The following GPR137B variants were observed in gnomAD, a reference collection of about 807,000 sequenced individuals.
GPR137B encodes integral membrane protein GPR137B.
In GPR137B, 42 loss-of-function variants were observed where a neutral mutation model predicts 42.5. The observed-to-expected ratio is 0.99, with a 90% confidence interval of 0.77 to 1.28. The LOEUF (loss-of-function observed/expected upper bound fraction) is 1.28. Ranked by LOEUF, GPR137B falls within the 50% of genes most tolerant of loss-of-function variation. GPR137B has a pLI of 0.00. For missense variants in GPR137B, 487 were observed against 493.9 expected (o/e 0.99, Z 0.13); for synonymous variants, 218 against 209.7 (o/e 1.04, Z -0.34).
At position 236,168,739 on chromosome 1, in the gene GPR137B, G is replaced by C; in HGVS notation, c.448G>C (p.Glu150Gln). Reference protein sequence around the residue: ...IFKAKSKYSPELLKYRLPLYL... With the variant: ...IFKAKSKYSPQLLKYRLPLYL... ...CAAAGCCAAGTCAAAATATTCTCCAGAATTACTCAAATACCGGTAAGTACT... is the reference window on the plus strand; with the variant it reads ...CAAAGCCAAGTCAAAATATTCTCCACAATTACTCAAATACCGGTAAGTACT... Residue 150 changes from glutamate to glutamine, a missense_variant, in exon 2 of 7, where the codon GAA (glutamate) becomes CAA (glutamine). Glu to Gln is a conservative substitution (Grantham distance 29). Transcript: ENST00000366592. The C allele has an allele frequency of 6.8e-6, 11 of 1,611,316 alleles. No individual in the cohort carries two copies. The highest frequency in any genetic ancestry group is 9.3e-6 in the Non-Finnish European group (11 of 1,177,426).
In GPR137B at chr1:236,208,676, G is replaced by A. The variant is rs1407284494; in HGVS notation, c.*518G>A. Reference sequence around the variant, plus strand: ...AATACAGTTGACAACTTAGCCAATTGCAACTCCAGTGTTGATAATTAAAAT... The same window carrying A: ...AATACAGTTGACAACTTAGCCAATTACAACTCCAGTGTTGATAATTAAAAT... On this transcript the variant is annotated 3_prime_UTR_variant, in exon 7 of 7. Coordinates refer to ENST00000366592, the MANE Select transcript of GPR137B (RefSeq NM_003272.4). 4 of 985,294 alleles carry A rather than the reference G, an allele frequency of 4.1e-6. No homozygotes were observed. Among genetic ancestry groups the A allele is most frequent in the African/African-American group, 1.7e-5 (1 of 57,176 alleles). 61.0% of individuals were successfully genotyped at this position (985,294 alleles called of 1,614,324 possible).
chr1:236,208,286 A>C lies in GPR137B; in HGVS notation c.*128A>C. On this transcript the variant is annotated 3_prime_UTR_variant, in exon 7 of 7. Coordinates refer to ENST00000366592, the MANE Select transcript of GPR137B (RefSeq NM_003272.4). ...GATTTTTATTTGTTACAGGTTTCCA[A>C]TGGCCCCATAGGAATAAGCAATAAT... 6.8e-7 allele frequency: 1 copy of C among 1,462,004 alleles called. No individual in the cohort carries two copies. Among genetic ancestry groups the C allele is most frequent in the Non-Finnish European group, 9.0e-7 (1 of 1,111,698 alleles). 90.6% of individuals were successfully genotyped at this position (1,462,004 alleles called of 1,614,324 possible).
chr1:236,206,765 C>T (rs959434699), intron 6 of GPR137B, among the ~76,000 whole-genome samples: 2 of 152,170 alleles, frequency 1.3e-5, no homozygotes, highest in African/African-American at 2.4e-5. Context: ...CTGCTGTGCT[C>T]AGCCATACTC....
intron 2 of GPR137B, among the ~76,000 whole-genome samples, chr1:236,169,629 A>C (rs1470079294): frequency 6.6e-6 from 1 of 152,068 alleles, no homozygotes; most frequent in African/African-American, 2.4e-5. Context: ...TCTGGAAGGG[A>C]ACCTCTTAAG....
intron 1 of GPR137B, among the ~76,000 whole-genome samples, chr1:236,147,569 C>T (rs1245770273): frequency 6.6e-6 from 1 of 152,236 alleles, no homozygotes; most frequent in Non-Finnish European, 1.5e-5. Flanking sequence ...CTGCACCTGG[C>T]TGCTTTTCAC....
chr1:236,198,812 T>C (rs1021634767), intron 5 of GPR137B, among the ~76,000 whole-genome samples: 2 of 152,152 alleles, frequency 1.3e-5, no homozygotes, highest in East Asian at 1.9e-4. Flanking sequence ...GATAAGTCTT[T>C]AGGGTTTTCT....
chr1:236,166,487 T>C (rs539225834), intron 1 of GPR137B, among the ~76,000 whole-genome samples: 1 of 138,690 alleles, frequency 7.2e-6, no homozygotes, highest in Non-Finnish European at 1.5e-5. Context: ...TATATATTTA[T>C]ATATACATAT....
At chr1:236,157,437 A>G (rs184302608) in intron 1 of GPR137B, among the ~76,000 whole-genome samples, 9 of 152,152 alleles carry the variant, frequency 5.9e-5, no homozygotes, top group Admixed American at 5.9e-4. Flanking sequence ...GTTAGCCAGG[A>G]TGGTCTTGAT....
At chr1:236,158,192 G>A (rs1662088005) in intron 1 of GPR137B, among the ~76,000 whole-genome samples, 8 of 152,194 alleles carry the variant, frequency 5.3e-5, no homozygotes, top group Admixed American at 5.2e-4. Context: ...GAGAGGCTGA[G>A]GTGGGTGGAT....
chr1:236,176,474 G>T (rs186499970), intron 2 of GPR137B, among the ~76,000 whole-genome samples: 1 of 152,080 alleles, frequency 6.6e-6, no homozygotes, highest in East Asian at 1.9e-4. Flanking sequence ...GCACCTTCCT[G>T]CCCCCTGAGC....
chr1:236,163,094 A>G (rs569292807), intron 1 of GPR137B, among the ~76,000 whole-genome samples: 1 of 152,356 alleles, frequency 6.6e-6, no homozygotes, highest in East Asian at 1.9e-4. Context: ...AGACCATGGG[A>G]ACCCACCTCT....
chr1:236,198,426 G>C (rs1246232032), intron 5 of GPR137B, among the ~76,000 whole-genome samples: 2 of 151,880 alleles, frequency 1.3e-5, no homozygotes, highest in Non-Finnish European at 2.9e-5. Context: ...GGCTGGTCTC[G>C]AACTACTGAC....
intron 1 of GPR137B, among the ~76,000 whole-genome samples, chr1:236,152,721 T>G (rs1011709648): frequency 6.6e-6 from 1 of 151,864 alleles, no homozygotes; most frequent in Admixed American, 6.6e-5. Context: ...ACCGTTGCAC[T>G]GTAACCTGGG....
At chr1:236,182,758 A>T (rs1662920373) in intron 4 of GPR137B, among the ~76,000 whole-genome samples, 1 of 151,978 alleles carries the variant, frequency 6.6e-6, no homozygotes, top group African/African-American at 2.4e-5. Flanking sequence ...AAAAATATAT[A>T]TATAAAATTT....
chr1:236,183,201 T>C (rs1389819296), intron 4 of GPR137B, among the ~76,000 whole-genome samples: 1 of 152,186 alleles, frequency 6.6e-6, no homozygotes, highest in Non-Finnish European at 1.5e-5. Context: ...GGATTGTTTT[T>C]CTAGACAAGC....
At chr1:236,199,270 C>A (rs950366189) in intron 5 of GPR137B, among the ~76,000 whole-genome samples, 2 of 152,114 alleles carry the variant, frequency 1.3e-5, no homozygotes, top group African/African-American at 4.8e-5. Context: ...GGTGGATTAT[C>A]TTTTTGATAT....
intron 5 of GPR137B, among the ~76,000 whole-genome samples, chr1:236,192,031 G>C (rs1376268647): frequency 6.6e-6 from 1 of 152,192 alleles, no homozygotes; most frequent in Non-Finnish European, 1.5e-5. Flanking sequence ...TGCCCAGAGA[G>C]GAGAAATCTG....
chr1:236,207,737 T>C (rs1048083921), intron 6 of GPR137B, among the ~76,000 whole-genome samples: 7 of 152,186 alleles, frequency 4.6e-5, no homozygotes, highest in Non-Finnish European at 2.9e-5. Flanking sequence ...CACCACAGGT[T>C]GTGAGCTGTA....
intron 1 of GPR137B, among the ~76,000 whole-genome samples, chr1:236,163,196 C>T (rs866324947): frequency 6.6e-6 from 1 of 152,208 alleles, no homozygotes; most frequent in Admixed American, 6.5e-5. Context: ...TTCAGACTTG[C>T]ATGGGCCCTG....
Sources: gnomAD v4.1 joint callset for allele counts (sites outside exome capture counted in the v4.1 genomes callset) on GRCh38, gnomAD v4.1.1 for gene constraint, MANE v1.5 for transcripts, NCBI Gene and HGNC (gene_info 2026-07-23, HGNC 2026-07-21) for gene names.